The following ATP10B variants were observed in gnomAD, a reference collection of about 807,000 sequenced individuals.
The protein encoded by ATP10B is phospholipid-transporting ATPase VB.
In ATP10B, 122 loss-of-function variants were observed where a neutral mutation model predicts 141.2. That is an observed-to-expected ratio of 0.86 (90% CI 0.75 to 1.00). The LOEUF is 1.00. Ranked by LOEUF, ATP10B falls within the 50% of genes least tolerant of loss-of-function variation. The pLI is 0.00. For synonymous variants in ATP10B, 685 were observed against 692.0 expected (o/e 0.99, Z 0.16); for missense variants, 1,876 against 1,825.3 (o/e 1.03, Z -0.51).
chr5:160,912,809 A>G, the ATP10B span, among the ~76,000 whole-genome samples: 1 of 152,208 alleles, frequency 6.6e-6, no homozygotes, highest in Admixed American at 6.5e-5. Context: ...GGGGCTGTCT[A>G]TCTGGCATGC....
At chr5:160,850,905 G>A (rs973169844) in intron 1 of ATP10B, among the ~76,000 whole-genome samples, 1 of 152,182 alleles carries the variant, frequency 6.6e-6, no homozygotes, top group African/African-American at 2.4e-5. Flanking sequence ...CAAACTCAGT[G>A]GGTGTTATTA....
chr5:160,631,488 A>C (rs1226689315), intron 13 of ATP10B, among the ~76,000 whole-genome samples: 1 of 152,240 alleles, frequency 6.6e-6, no homozygotes, highest in Non-Finnish European at 1.5e-5. Flanking sequence ...GCCGAAGGGA[A>C]TTAGTTAAGG....
At chr5:160,734,683 CT>C (rs1268902780) in intron 2 of ATP10B, among the ~76,000 whole-genome samples, 1 of 151,904 alleles carries the variant, frequency 6.6e-6, no homozygotes, top group East Asian at 1.9e-4. Flanking sequence ...GGAACAACAA[CT>C]ACTCAATAAA....
chr5:160,767,707 A>G (rs539940207), intron 2 of ATP10B, among the ~76,000 whole-genome samples: 2 of 142,288 alleles, frequency 1.4e-5, no homozygotes, highest in East Asian at 4.2e-4. Flanking sequence ...TAATTATTTC[A>G]CATAAAGCTT....
intron 1 of ATP10B, among the ~76,000 whole-genome samples, chr5:160,846,935 T>G (rs191663264): frequency 1.2e-4 from 19 of 152,336 alleles, no homozygotes; most frequent in African/African-American, 4.3e-4. Context: ...GAGGCTTAAA[T>G]GATCCTATGC....
chr5:160,604,951 G>GA (rs1757301278), intron 19 of ATP10B, among the ~76,000 whole-genome samples: 1 of 152,206 alleles, frequency 6.6e-6, no homozygotes, highest in Admixed American at 6.5e-5. Flanking sequence ...TAAAGGGTCA[G>GA]GTGGTAAATA....
intron 3 of ATP10B, among the ~76,000 whole-genome samples, chr5:160,706,012 C>G (rs753781727): frequency 6.6e-6 from 1 of 152,138 alleles, no homozygotes; most frequent in African/African-American, 2.4e-5. Context: ...AGGAGGCCCA[C>G]GAAGAGGGAG....
chr5:160,570,065 T>C (rs1222243285), intron 24 of ATP10B, among the ~76,000 whole-genome samples: 4 of 152,196 alleles, frequency 2.6e-5, no homozygotes, highest in African/African-American at 9.6e-5. Context: ...GCCCATTTTT[T>C]CCACATGGCA....
intron 7 of ATP10B, among the ~76,000 whole-genome samples, chr5:160,657,640 T>C (rs7702694): frequency 1 from 151,609 of 152,320 alleles, 75,453 homozygotes; most frequent in Middle Eastern, 1. Context: ...TGGCATTTCC[T>C]GAACATACAG....
At chr5:160,842,650 T>C (rs1483808847) in intron 1 of ATP10B, among the ~76,000 whole-genome samples, 2 of 152,008 alleles carry the variant, frequency 1.3e-5, no homozygotes, top group African/African-American at 4.8e-5. Context: ...TTGGAAGATA[T>C]GAGCACATTT....
intron 1 of ATP10B, among the ~76,000 whole-genome samples, chr5:160,848,593 G>T (rs895556864): frequency 2.0e-5 from 3 of 152,178 alleles, no homozygotes; most frequent in African/African-American, 7.2e-5. Flanking sequence ...TAAAGGAAAA[G>T]TTTATCACCA....
the ATP10B span, among the ~76,000 whole-genome samples, chr5:160,871,572 T>C: frequency 8.7e-4 from 132 of 152,242 alleles, 1 homozygote; most frequent in South Asian, 1.7e-3. Context: ...TCTTATACCA[T>C]TGCATTCTCA....
chr5:160,729,582 A>G (rs1766597360), intron 2 of ATP10B, among the ~76,000 whole-genome samples: 1 of 152,238 alleles, frequency 6.6e-6, no homozygotes, highest in African/African-American at 2.4e-5. Context: ...AGATTGAAGG[A>G]GTAAATGAAT....
the ATP10B span, among the ~76,000 whole-genome samples, chr5:160,872,725 T>TTGGCCTATGTGCCTATTTTTA: frequency 6.6e-6 from 1 of 152,362 alleles, no homozygotes; most frequent in Non-Finnish European, 1.5e-5. Context: ...TTCTTTTCCA[T>TTGGCCTATGTGCCTATTTTTA]TGGCCTATGT....
intron 11 of ATP10B, 70 bp downstream of exon 11, chr5:160,636,112 T>C (rs1759346426): frequency 2.7e-6 from 4 of 1,496,446 alleles, no homozygotes; most frequent in East Asian, 2.3e-5. Flanking sequence ...TGTTTTTTCT[T>C]TATTTTACAA....
At chr5:160,657,563 T>A (rs559033441) in intron 7 of ATP10B, among the ~76,000 whole-genome samples, 3 of 152,158 alleles carry the variant, frequency 2.0e-5, no homozygotes, top group African/African-American at 7.2e-5. Context: ...TGAGTTCCCT[T>A]TTGTCAAGTG....
chr5:160,751,130 A>G lies in ATP10B; in HGVS notation c.-330-34096T>C, dbSNP rs552807571. ...ACGGAGGGCTCTGAGAGGCCACAGCATGTGCATTATTAAGCACAGCACCAG... is the reference window on the plus strand; with the variant it reads ...ACGGAGGGCTCTGAGAGGCCACAGCGTGTGCATTATTAAGCACAGCACCAG... On this transcript the variant is annotated intron_variant, in intron 2 of 25. Coordinates refer to ENST00000327245, the MANE Select transcript of ATP10B (RefSeq NM_025153.3). 1.2e-4 allele frequency among the ~76,000 whole-genome samples: 18 copies of G among 152,302 alleles called. No homozygotes were observed. In the South Asian group the frequency reaches 3.5e-3, roughly 30 times the overall value.
chr5:160,658,158 T>TCTGTTTG (rs1393035037), intron 7 of ATP10B, among the ~76,000 whole-genome samples: 2 of 152,190 alleles, frequency 1.3e-5, no homozygotes, highest in African/African-American at 2.4e-5. Context: ...AAAACAAAGA[T>TCTGTTTG]CCTAGTACAG....
At chr5:160,793,480 T>A (rs1771734169) in intron 1 of ATP10B, among the ~76,000 whole-genome samples, 1 of 152,226 alleles carries the variant, frequency 6.6e-6, no homozygotes, top group South Asian at 2.1e-4. Context: ...AGTATTTATA[T>A]TGTAAATACA....
Sources: allele counts gnomAD v4.1 joint callset (sites outside exome capture counted in the v4.1 genomes callset), GRCh38; gene constraint gnomAD v4.1.1; transcripts MANE v1.5; gene names NCBI Gene and HGNC (gene_info 2026-07-23, HGNC 2026-07-21).